The following SRSF2 variants were observed in gnomAD, a reference collection of about 807,000 sequenced individuals.
SRSF2 encodes serine and arginine rich splicing factor 2, also known as serine/arginine-rich splicing factor 2.
A neutral mutation model predicts 15.7 loss-of-function variants in SRSF2; 4 were observed. The ratio of observed to expected loss-of-function variants is 0.26; its 90% CI spans 0.13 to 0.58. The LOEUF (loss-of-function observed/expected upper bound fraction) is 0.58, where lower values mean the gene tolerates loss of function less well. Ranked by LOEUF, SRSF2 falls within the 20% of genes least tolerant of loss-of-function variation. The pLI is 0.90. For missense variants in SRSF2, 147 were observed against 332.4 expected, an observed-to-expected ratio of 0.44 and a Z score of 4.34; for synonymous variants, 192 against 138.9, an observed-to-expected ratio of 1.38 and a Z score of -2.69.
At chr17:76,736,710 C>G (rs1312764787) in intron 1 of SRSF2, 89 bp downstream of exon 1, 17 of 1,343,104 alleles carry the variant, frequency 1.3e-5, no homozygotes, top group Non-Finnish European at 1.6e-5. Context: ...CGGGCCCGCA[C>G]CACGTGCTTC....
In SRSF2 at chr17:76,736,482, A is replaced by G. The variant is rs772803565; in HGVS notation, c.363-18T>C. On this transcript the variant is annotated intron_variant, in intron 1 of 2. Coordinates refer to ENST00000359995, the MANE Select transcript of SRSF2 (RefSeq NM_001195427.2). ...GCCTAGGGCTGCGGGCGGGACGAGC[A>G]AGCACAGCGGGGTTAATTCCAGGCA... The G allele has an allele frequency of 3.7e-6, 6 of 1,607,418 alleles. No individual in the cohort carries two copies. The South Asian group carries it at 5.5e-5, about 15-fold the overall frequency.
intron 1 of SRSF2, 107 bp from the exon 2 acceptor site, chr17:76,736,571 TTCCCCAGTCGCGAGGCGGGG>T: frequency 7.5e-7 from 1 of 1,333,850 alleles, no homozygotes; most frequent in Non-Finnish European, 1.0e-6. Context: ...CAGACGCCAT[TTCCCCAGTCGCGAGGCGGGG>T]TCCTCCGCCC....
rs1568026625 is a variant in SRSF2, at chr17:76,736,876, G to A, written c.285C>T (p.Pro95=). The change falls in exon 1 of 3, where the codon CCC becomes CCT. Residue 95 remains proline, a synonymous_variant. Transcript: ENST00000359995. Reference sequence around the variant, plus strand: ...CCCGGCGGCTGTGGTGTGAGTCCGGGGGGCGGCCGTAGCGCGCCATTTGCA... The same window carrying A: ...CCCGGCGGCTGTGGTGTGAGTCCGGAGGGCGGCCGTAGCGCGCCATTTGCA... ...LRVQMARYGR[P]PDSHHSRRGP... is the part of the protein sequence containing the mutation. 2 of 1,611,202 alleles carry A rather than the reference G, an allele frequency of 1.2e-6. No individual in the cohort carries two copies. The highest frequency in any genetic ancestry group is 8.5e-7 in the Non-Finnish European group (1 of 1,179,290).
Position 76,736,266 on chromosome 17 carries a change from A to AGACCGG in SRSF2, c.555_560dup (p.Arg190_Ser191dup). The AGACCGG allele has an allele frequency of 6.2e-7, 1 of 1,614,188 alleles. No homozygotes were observed. ...ACACTGGGGGAGGACTCCTGGACCGAGACCGGGACCTGGACCGCGAACGAG... is the reference window on the plus strand; with the variant it reads ...ACACTGGGGGAGGACTCCTGGACCGAGACCGGGACCGGGACCTGGACCGCGAACGAG... On this transcript the variant is annotated inframe_insertion, in exon 2 of 3. Coordinates refer to ENST00000359995, the MANE Select transcript of SRSF2 (RefSeq NM_001195427.2).
rs1244786482 is a variant in SRSF2, at chr17:76,736,366, C to T, written c.461G>A (p.Arg154His). ...YSRSKSRSRTRSRSRSTSKSR... is the reference protein window; with the variant it reads ...YSRSKSRSRTHSRSRSTSKSR... ...CTTGGAGGTCGACCGAGATCGAGAA[C>T]GAGTGCGGGACCGAGACTTCGAGCG... Residue 154 changes from arginine to histidine, a missense_variant, in exon 2 of 3, where the codon CGT (arginine) becomes CAT (histidine). Coordinates refer to ENST00000359995, the MANE Select transcript of SRSF2 (RefSeq NM_001195427.2). 1.2e-6 allele frequency: 2 copies of T among 1,614,022 alleles called. No individual in the cohort carries two copies. The highest frequency in any genetic ancestry group is 1.7e-5 in the Admixed American group (1 of 60,006).
At position 76,734,659 on chromosome 17, in the gene SRSF2, C is replaced by T. The variant is rs1343073348; in HGVS notation, c.*507G>A. The T allele has an allele frequency of 4.3e-6, 1 of 229,944 alleles. No individual in the cohort carries two copies. Among genetic ancestry groups the T allele is most frequent in the Non-Finnish European group, 8.8e-6 (1 of 113,132 alleles). 14.2% of individuals were successfully genotyped at this position (229,944 alleles called of 1,614,324 possible). On this transcript the variant is annotated 3_prime_UTR_variant, in exon 3 of 3. Transcript: ENST00000359995. ...TCTTTTCACCTGAAAAGTCTTTATA[C>T]AAATTTGGGTTCAGATTACCATTTA... is the stretch of plus-strand genomic sequence containing the variant.
rs2077433827 is a variant in SRSF2, at chr17:76,735,734, C to CT, written c.*7+419dup. ...AACAATAGTTGAACTGATTGTTTCT[C>CT]TAAGAGGATAGTGCATCTTTAACAT... On this transcript the variant is annotated intron_variant, in intron 2 of 2. Coordinates refer to ENST00000359995, the MANE Select transcript of SRSF2 (RefSeq NM_001195427.2). 4 of 329,784 alleles carry CT rather than the reference C, an allele frequency of 1.2e-5. No homozygotes were observed. The South Asian group carries it at 1.5e-4, about 12-fold the overall frequency. The allele number at this position is 329,784 out of a possible 1,614,324, so 20.4% of individuals were successfully genotyped here.
In SRSF2 at chr17:76,734,983, A is replaced by G. The variant is rs1387768645; in HGVS notation, c.*183T>C. 8.9e-6 allele frequency: 2 copies of G among 224,156 alleles called. No homozygotes were observed. Among genetic ancestry groups the G allele is most frequent in the Non-Finnish European group, 1.8e-5 (2 of 111,060 alleles). The allele number at this position is 224,156 out of a possible 1,614,324, so 13.9% of individuals were successfully genotyped here. A position where few individuals can be genotyped will look rare whatever the true frequency, so the allele number is the denominator to read the frequency against. ...CAAGAAATTTGAATAACAGCAACAA[A>G]ATGGCACATAAAATGAAGTTTGCCA... On this transcript the variant is annotated 3_prime_UTR_variant, in exon 3 of 3. Coordinates refer to ENST00000359995, the MANE Select transcript of SRSF2 (RefSeq NM_001195427.2).
intron 1 of SRSF2, 139 bp from the exon 2 acceptor site, chr17:76,736,603 GCGC>G (rs2077494419): frequency 1.7e-6 from 2 of 1,191,838 alleles, no homozygotes; most frequent in Non-Finnish European, 2.2e-6. Context: ...CCTCCGCCCC[GCGC>G]CGCCCACACC....
chr17:76,737,191 A>C lies in SRSF2; in HGVS notation c.-31T>G. The C allele has an allele frequency of 2.0e-6, 3 of 1,514,952 alleles. No individual in the cohort carries two copies. Among genetic ancestry groups the C allele is most frequent in the Non-Finnish European group, 2.7e-6 (3 of 1,125,362 alleles). The allele number at this position is 1,514,952 out of a possible 1,614,324, so 93.8% of individuals were successfully genotyped here. A position where few individuals can be genotyped will look rare whatever the true frequency, so the allele number is the denominator to read the frequency against. On this transcript the variant is annotated 5_prime_UTR_variant, in exon 1 of 3. Transcript: ENST00000359995. ...TGAGTGGCGGCCCGGAGCCCCGCGA[A>C]CTGGCGCCGGCTTCCTCAGCTCTGG...
In SRSF2 at chr17:76,737,264, A is replaced by G. The variant is rs748381992; in HGVS notation, c.-104T>C. 2 of 1,419,670 alleles carry G rather than the reference A, an allele frequency of 1.4e-6. No individual in the cohort carries two copies. The highest frequency in any genetic ancestry group is 1.9e-6 in the Non-Finnish European group (2 of 1,072,234). 87.9% of individuals were successfully genotyped at this position (1,419,670 alleles called of 1,614,324 possible). A position where few individuals can be genotyped will look rare whatever the true frequency, so the allele number is the denominator to read the frequency against. On this transcript the variant is annotated 5_prime_UTR_variant, in exon 1 of 3. Transcript: ENST00000359995. ...AGGCAGTTGCCTTCCGCGTGGGGAC[A>G]CTGGGAAAGGCCTTGCCGCAGAACA...
chr17:76,737,255 C>T lies in SRSF2; in HGVS notation c.-95G>A. ...GCGCCTCTCAGGCAGTTGCCTTCCG[C>T]GTGGGGACACTGGGAAAGGCCTTGC... is the stretch of plus-strand genomic sequence containing the variant. On this transcript the variant is annotated 5_prime_UTR_variant, in exon 1 of 3. Coordinates refer to ENST00000359995, the MANE Select transcript of SRSF2 (RefSeq NM_001195427.2). The T allele has an allele frequency of 6.9e-7, 1 of 1,439,566 alleles. No homozygotes were observed. The highest frequency in any genetic ancestry group is 9.2e-7 in the Non-Finnish European group (1 of 1,088,358). The allele number at this position is 1,439,566 out of a possible 1,614,324, so 89.2% of individuals were successfully genotyped here.
chr17:76,737,395 C>G, upstream of SRSF2: 1 of 501,714 alleles, frequency 2.0e-6, no homozygotes. Context: ...CCGCGCCACC[C>G]GGAAATGAAA....
At position 76,737,095 on chromosome 17, in the gene SRSF2, G is replaced by A. The variant is rs2077541354; in HGVS notation, c.66C>T (p.Thr22=). Reference sequence around the variant, plus strand: ...TCAGCGTGTCGGGCGAGGTGCGGTAGGTCAGGTTGTCCACCTTGAGGGAGG... The same window carrying A: ...TCAGCGTGTCGGGCGAGGTGCGGTAAGTCAGGTTGTCCACCTTGAGGGAGG... The part of the protein sequence containing the change: ...GMTSLKVDNL[T]YRTSPDTLRR... The change falls in exon 1 of 3, where the codon ACC becomes ACT. Residue 22 remains threonine, a synonymous_variant. Transcript: ENST00000359995. 6.2e-7 allele frequency: 1 copy of A among 1,611,520 alleles called. No homozygotes were observed. The highest frequency in any genetic ancestry group is 1.3e-5 in the African/African-American group (1 of 74,874).
In SRSF2 at chr17:76,736,844, G is replaced by A. The variant is rs776880365; in HGVS notation, c.317C>T (p.Pro106Leu). The stretch of plus-strand genomic sequence containing the variant: ...GCCACCGCCCCCGTACCTGCGGGGT[G>A]GCGGTCCCCGGCGGCTGTGGTGTGA... ...PDSHHSRRGPPPRRYGGGGYG... is the reference protein window; with the variant it reads ...PDSHHSRRGPLPRRYGGGGYG... The change falls in exon 1 of 3, where the codon CCA becomes CTA. Residue 106 changes from proline (P) to leucine (L), a missense_variant. This residue lies in a region of SRSF2 where 125 missense variants were observed against 185.1 expected (regional missense o/e 0.68). Transcript: ENST00000359995. 32 of 1,604,942 alleles carry A rather than the reference G, an allele frequency of 2.0e-5. No homozygotes were observed. In the Admixed American group the frequency reaches 5.0e-4, roughly 25 times the overall value.
chr17:76,736,019 A>G, intron 2 of SRSF2, 135 bp downstream of exon 2: 1 of 847,504 alleles, frequency 1.2e-6, no homozygotes, highest in Non-Finnish European at 1.9e-6. Flanking sequence ...CTTCAGTATT[A>G]CTCCCAAAGG....
At chr17:76,736,776 G>A (rs766578856) in intron 1 of SRSF2, 23 bp downstream of exon 1, 23 of 1,413,510 alleles carry the variant, frequency 1.6e-5, no homozygotes, top group Middle Eastern at 2.4e-4. Flanking sequence ...CCCGCCTCCC[G>A]CGGTCCCCTC....
chr17:76,736,659 G>A (rs2077505273), intron 1 of SRSF2, 140 bp downstream of exon 1: 1 of 1,199,410 alleles, frequency 8.3e-7, no homozygotes. Context: ...TCGCGGGGTG[G>A]CCGGAGGGTC....
chr17:76,735,700 A>C (rs1484310377), intron 2 of SRSF2: 1 of 276,000 alleles, frequency 3.6e-6, no homozygotes, highest in African/African-American at 2.2e-5. Context: ...ATGAAGTCCC[A>C]GTCAGTACAA....
Sources: allele counts gnomAD v4.1 joint callset, GRCh38; gene constraint gnomAD v4.1.1; regional missense constraint gnomAD v4.1.1; transcripts MANE v1.5; gene names NCBI Gene and HGNC (gene_info 2026-07-23, HGNC 2026-07-21).